Variants in ATAD1 observed in about 807,000 individuals in gnomAD.
The protein encoded by ATAD1 is outer mitochondrial transmembrane helix translocase.
In ATAD1, 18 loss-of-function variants were observed where a neutral mutation model predicts 42.7. The observed-to-expected ratio is 0.42, with a 90% CI of 0.29 to 0.63. ATAD1 has a LOEUF of 0.63. Among genes scored for constraint, ATAD1 ranks in the 20% least tolerant of loss-of-function variants. The pLI is 0.19. For synonymous variants in ATAD1, 132 were observed against 143.1 expected, an observed-to-expected ratio of 0.92 and a Z score of 0.55; for missense variants, 294 against 440.4, an observed-to-expected ratio of 0.67 and a Z score of 2.98.
chr10:87,760,073 T>C (rs1854410787), intron 8 of ATAD1, among the ~76,000 whole-genome samples: 1 of 152,200 alleles, frequency 6.6e-6, no homozygotes, highest in Non-Finnish European at 1.5e-5. Context: ...ATGCAGTTGT[T>C]TATTATTATA....
At chr10:87,757,202 C>A (rs986632546) in intron 8 of ATAD1, among the ~76,000 whole-genome samples, 2 of 149,544 alleles carry the variant, frequency 1.3e-5, no homozygotes, top group Admixed American at 6.7e-5. Flanking sequence ...CAAGAAGGTA[C>A]CAAGGTGACA....
At chr10:87,769,842 A>C (rs556690299) in intron 7 of ATAD1, among the ~76,000 whole-genome samples, 1 of 152,208 alleles carries the variant, frequency 6.6e-6, no homozygotes, top group African/African-American at 2.4e-5. Flanking sequence ...ACTTATTGGG[A>C]GGCTGAGGCG....
At chr10:87,791,843 A>G (rs1856135504) in intron 3 of ATAD1, among the ~76,000 whole-genome samples, 1 of 152,206 alleles carries the variant, frequency 6.6e-6, no homozygotes, top group Non-Finnish European at 1.5e-5. Flanking sequence ...TAAAGTAGGT[A>G]TTATTATCTC....
At chr10:87,764,226 G>A (rs1170882740) in intron 8 of ATAD1, among the ~76,000 whole-genome samples, 1 of 152,026 alleles carries the variant, frequency 6.6e-6, no homozygotes, top group African/African-American at 2.4e-5. Flanking sequence ...ATGGGAGACC[G>A]ATGCACGTGG....
upstream of ATAD1, among the ~76,000 whole-genome samples, chr10:87,821,693 C>T (rs752334251): frequency 1.7e-4 from 26 of 152,256 alleles, no homozygotes; most frequent in East Asian, 5.8e-4. Flanking sequence ...CTGGGCTCTC[C>T]GCCATGTGAG....
intron 1 of ATAD1, among the ~76,000 whole-genome samples, chr10:87,834,814 T>TA: frequency 6.6e-6 from 1 of 151,932 alleles, no homozygotes; most frequent in East Asian, 1.9e-4. Flanking sequence ...GATTTGGGTT[T>TA]ATTTTATTGT....
intron 2 of ATAD1, among the ~76,000 whole-genome samples, chr10:87,798,625 G>GGT (rs71022506): frequency 0.039 from 4,905 of 124,878 alleles, 202 homozygotes; most frequent in African/African-American, 0.09. Flanking sequence ...AGCTATAGGG[G>GGT]GTGTGTGTGT....
intron 1 of ATAD1, among the ~76,000 whole-genome samples, chr10:87,827,981 G>A (rs1433522350): frequency 1.3e-5 from 2 of 152,054 alleles, no homozygotes; most frequent in Non-Finnish European, 2.9e-5. Context: ...TTTAAGAGAC[G>A]GGGTCTTACT....
At chr10:87,795,465 GTT>G (rs60783935) in intron 2 of ATAD1, among the ~76,000 whole-genome samples, 2 of 143,618 alleles carry the variant, frequency 1.4e-5, no homozygotes, top group African/African-American at 2.6e-5. Flanking sequence ...TGGTTTGCTT[GTT>G]TTTTTTTTTT....
chr10:87,784,320 C>T (rs1855715092), intron 5 of ATAD1, 150 bp downstream of exon 5: 1 of 698,608 alleles, frequency 1.4e-6, no homozygotes, highest in South Asian at 1.9e-5. Flanking sequence ...GTTCATTCTA[C>T]AACACAGAAA....
intron 2 of ATAD1, among the ~76,000 whole-genome samples, chr10:87,811,426 C>A (rs1754864747): frequency 6.6e-6 from 1 of 152,108 alleles, no homozygotes; most frequent in Admixed American, 6.5e-5. Context: ...TCTTGTTACC[C>A]ATACTGACCT....
At chr10:87,778,334 T>C (rs1225392191) in intron 5 of ATAD1, among the ~76,000 whole-genome samples, 4 of 151,962 alleles carry the variant, frequency 2.6e-5, no homozygotes, top group East Asian at 1.9e-4. Flanking sequence ...ACTATAAATA[T>C]AAGGACTCGG....
At chr10:87,754,897 T>C (rs1428731166) in intron 9 of ATAD1, 90 bp from the exon 10 acceptor site, 2 of 1,464,508 alleles carry the variant, frequency 1.4e-6, no homozygotes, top group Non-Finnish European at 1.8e-6. Context: ...GAGATGCATG[T>C]GGTAAAAAAA....
chr10:87,834,119 A>G (rs1441175125), intron 1 of ATAD1, among the ~76,000 whole-genome samples: 2 of 152,206 alleles, frequency 1.3e-5, no homozygotes, highest in Non-Finnish European at 2.9e-5. Context: ...ATATTGATCC[A>G]GCTTTGCATT....
intron 8 of ATAD1, 98 bp downstream of exon 8, chr10:87,767,575 G>A: frequency 1.8e-6 from 2 of 1,114,506 alleles, no homozygotes; most frequent in South Asian, 1.3e-5. Flanking sequence ...AGATCCTTGG[G>A]GTATATCATT....
upstream of ATAD1, among the ~76,000 whole-genome samples, chr10:87,822,924 T>G (rs1397111067): frequency 6.6e-6 from 1 of 151,302 alleles, no homozygotes; most frequent in African/African-American, 2.4e-5. Context: ...ACACCTACTA[T>G]GTACCCATAA....
intron 7 of ATAD1, 21 bp downstream of exon 7, chr10:87,770,931 A>T (rs1305390171): frequency 1.3e-6 from 2 of 1,598,118 alleles, no homozygotes; most frequent in African/African-American, 2.7e-5. Context: ...ACTCTTCATA[A>T]TATCAATCAA....
At chr10:87,783,254 C>T (rs2131878376) in intron 5 of ATAD1, among the ~76,000 whole-genome samples, 1 of 151,916 alleles carries the variant, frequency 6.6e-6, no homozygotes, top group African/African-American at 2.4e-5. Flanking sequence ...ACCTGTGGTC[C>T]CAGCTACTCA....
intron 2 of ATAD1, 63 bp downstream of exon 2, chr10:87,814,375 T>C (rs1397562323): frequency 6.1e-6 from 9 of 1,464,038 alleles, no homozygotes; most frequent in Non-Finnish European, 8.2e-6. Context: ...ACCAAATTTT[T>C]AGTTTGAGGG....
Sources: allele counts gnomAD v4.1 joint callset (sites outside exome capture counted in the v4.1 genomes callset), GRCh38; gene constraint gnomAD v4.1.1; transcripts MANE v1.5; gene names NCBI Gene and HGNC (gene_info 2026-07-23, HGNC 2026-07-21).